RIMBP2: variants seen among roughly 807,000 people sequenced by gnomAD.
RIMBP2 encodes RIMS-binding protein 2.
A neutral mutation model predicts 118.6 loss-of-function variants in RIMBP2; 48 were observed. The ratio of observed to expected loss-of-function variants is 0.40; its 90% CI spans 0.32 to 0.51. The LOEUF (loss-of-function observed/expected upper bound fraction) is 0.51, where lower values mean the gene tolerates loss of function less well. Ranked by LOEUF, RIMBP2 falls within the 20% of genes least tolerant of loss-of-function variation. The pLI is 0.41. For synonymous variants in RIMBP2, 762 were observed against 742.9 expected, an observed-to-expected ratio of 1.03 and a Z score of -0.42; for missense variants, 1,551 against 1,768.3, an observed-to-expected ratio of 0.88 and a Z score of 2.20.
intron 1 of RIMBP2, among the ~76,000 whole-genome samples, chr12:130,712,233 T>G (rs899701245): frequency 1.3e-5 from 2 of 152,230 alleles, no homozygotes; most frequent in African/African-American, 2.4e-5. Context: ...CTTTCTTCCA[T>G]AACTGCCCTC....
Position 130,576,711 on chromosome 12 carries a change from G to A in RIMBP2, c.-217+51611C>T, listed in dbSNP as rs1254235886. Among the ~76,000 whole-genome samples the A allele has an allele frequency of 6.6e-6, 1 of 152,212 alleles. No homozygotes were observed. The highest frequency in any genetic ancestry group is 2.4e-5 in the African/African-American group (1 of 41,454). ...CTTAGCACAAACTGCCAGCAGCAGC[G>A]AGGAGGAGCCCCGCCGAGCGCCGAG... is the stretch of plus-strand genomic sequence containing the variant. On this transcript the variant is annotated intron_variant, in intron 2 of 22. Coordinates refer to ENST00000690449, the MANE Select transcript of RIMBP2 (RefSeq NM_001393629.1). This position sits in a 1 kb window ranked among gnomAD's most constrained non-coding sequence, Gnocchi z 4.2.
chr12:130,477,546 G>A lies in RIMBP2; in HGVS notation c.102+1366C>T, dbSNP rs967423760. On this transcript the variant is annotated intron_variant, in intron 5 of 22. Coordinates refer to ENST00000690449, the MANE Select transcript of RIMBP2 (RefSeq NM_001393629.1). ...ACATCTAATGAAATATTGCTGCTCCGGGTGCCTGCCACCTTATTATGACAG... is the reference window on the plus strand; with the variant it reads ...ACATCTAATGAAATATTGCTGCTCCAGGTGCCTGCCACCTTATTATGACAG... 3.9e-5 allele frequency among the ~76,000 whole-genome samples: 6 copies of A among 152,144 alleles called. No homozygotes were observed. In the South Asian group the frequency reaches 8.3e-4, roughly 21 times the overall value.
intron 5 of RIMBP2, among the ~76,000 whole-genome samples, chr12:130,473,814 C>A (rs1298203198): frequency 2.0e-5 from 3 of 152,200 alleles, no homozygotes; most frequent in Non-Finnish European, 4.4e-5. Context: ...CCACACACAA[C>A]TGAGGCCGAC....
intron 2 of RIMBP2, among the ~76,000 whole-genome samples, chr12:130,560,958 T>C (rs1294397215): frequency 2.0e-5 from 3 of 152,242 alleles, no homozygotes; most frequent in Non-Finnish European, 4.4e-5. Flanking sequence ...AAGGCCATGC[T>C]GGAGCAGGGT....
intron 1 of RIMBP2, among the ~76,000 whole-genome samples, chr12:130,708,062 A>G (rs1209607): frequency 0.96 from 146,865 of 152,274 alleles, 71,065 homozygotes; most frequent in East Asian, 1. Flanking sequence ...CCATAAAAAG[A>G]GATGACGCTC....
chr12:130,464,429 C>CTACTA (rs2080274582), intron 6 of RIMBP2, among the ~76,000 whole-genome samples: 1 of 152,080 alleles, frequency 6.6e-6, no homozygotes, highest in African/African-American at 2.4e-5. Flanking sequence ...GGCTGAATAC[C>CTACTA]TGCTATGTGC....
At chr12:130,492,447 G>A (rs76022756) in intron 4 of RIMBP2, among the ~76,000 whole-genome samples, 1 of 151,684 alleles carries the variant, frequency 6.6e-6, no homozygotes, top group South Asian at 2.1e-4. Context: ...GAAAAAAAAA[G>A]AGAGAGAGAG....
intron 3 of RIMBP2, among the ~76,000 whole-genome samples, chr12:130,510,350 C>T (rs1387053301): frequency 1.3e-5 from 2 of 151,494 alleles, no homozygotes; most frequent in South Asian, 4.2e-4. Flanking sequence ...GTTGGGGGAA[C>T]GAATGGGTGT....
intron 6 of RIMBP2, among the ~76,000 whole-genome samples, chr12:130,467,994 TGGCTGAGCATGGAAGCA>T (rs1337328060): frequency 6.6e-5 from 10 of 152,208 alleles, no homozygotes; most frequent in Non-Finnish European, 1.0e-4. Context: ...CTATTGTATC[TGGCTGAGCATGGAAGCA>T]GGCTGCCCAG....
chr12:130,629,051 C>T (rs1437870845), intron 1 of RIMBP2, among the ~76,000 whole-genome samples: 5 of 152,220 alleles, frequency 3.3e-5, no homozygotes, highest in Non-Finnish European at 7.3e-5. Flanking sequence ...AGTAGACCTT[C>T]ATGTTGACAT....
intron 2 of RIMBP2, among the ~76,000 whole-genome samples, chr12:130,540,389 C>T (rs991365868): frequency 3.9e-5 from 6 of 152,128 alleles, no homozygotes; most frequent in African/African-American, 1.4e-4. Flanking sequence ...TTTGAAATCA[C>T]CCCAGTTGTC....
intron 2 of RIMBP2, among the ~76,000 whole-genome samples, chr12:130,567,549 G>C (rs949050288): frequency 6.6e-6 from 1 of 152,180 alleles, no homozygotes; most frequent in East Asian, 1.9e-4. Context: ...GAGGGAGGAG[G>C]GAGGGTCCCT....
At chr12:130,640,431 G>A (rs1434494701) in intron 1 of RIMBP2, among the ~76,000 whole-genome samples, 2 of 152,204 alleles carry the variant, frequency 1.3e-5, no homozygotes, top group Non-Finnish European at 2.9e-5. Flanking sequence ...GAAGTTCAGT[G>A]TATCGTGCTA....
chr12:130,478,868 G>A (rs1267560286), intron 5 of RIMBP2, 44 bp downstream of exon 5: 7 of 1,470,204 alleles, frequency 4.8e-6, no homozygotes, highest in Non-Finnish European at 6.6e-6. Flanking sequence ...GCCCACCCGT[G>A]GACTCCCTGC....
chr12:130,699,101 G>A (rs1340830486), intron 1 of RIMBP2, among the ~76,000 whole-genome samples: 1 of 152,222 alleles, frequency 6.6e-6, no homozygotes, highest in African/African-American at 2.4e-5. Flanking sequence ...AGGATGTGGA[G>A]AAATAGGAAC....
Position 130,716,280 on chromosome 12 carries a change from A to G in RIMBP2, c.-410T>C, listed in dbSNP as rs1950320094. On this transcript the variant is annotated 5_prime_UTR_variant, in exon 1 of 23. Transcript: ENST00000690449. Reference sequence around the variant, plus strand: ...TTCACCTCGGAGACAACTGCAGTGTACTGTGTCAGATTACAAACTGGGGGC... The same window carrying G: ...TTCACCTCGGAGACAACTGCAGTGTGCTGTGTCAGATTACAAACTGGGGGC... 6.9e-6 allele frequency: 1 copy of G among 144,214 alleles called. No individual in the cohort carries two copies. Among genetic ancestry groups the G allele is most frequent in the Admixed American group, 6.9e-5 (1 of 14,402 alleles). The allele number at this position is 144,214 out of a possible 1,614,324, so 8.9% of individuals were successfully genotyped here.
At chr12:130,711,442 A>G (rs959998644) in intron 1 of RIMBP2, among the ~76,000 whole-genome samples, 19 of 152,210 alleles carry the variant, frequency 1.2e-4, no homozygotes, top group African/African-American at 9.6e-5. Context: ...TGGCCAGCAC[A>G]TGTTCTTCCT....
At chr12:130,437,889 C>A (rs1210559137) in intron 12 of RIMBP2, among the ~76,000 whole-genome samples, 2 of 152,170 alleles carry the variant, frequency 1.3e-5, no homozygotes, top group Non-Finnish European at 2.9e-5. Flanking sequence ...TTCTACTTCA[C>A]CCCAGGCAGG....
intron 1 of RIMBP2, among the ~76,000 whole-genome samples, chr12:130,664,423 A>ACGCACACGCACG (rs1555320894): frequency 1.6e-4 from 14 of 88,974 alleles, no homozygotes; most frequent in South Asian, 3.7e-4. Flanking sequence ...ACACACACGC[A>ACGCACACGCACG]CACACATGCA....
Sources: allele counts gnomAD v4.1 joint callset (sites outside exome capture counted in the v4.1 genomes callset), GRCh38; gene constraint gnomAD v4.1.1; non-coding constraint Gnocchi (gnomAD v3.1); transcripts MANE v1.5; gene names NCBI Gene and HGNC (gene_info 2026-07-23, HGNC 2026-07-21).